ADNP: variants seen among roughly 807,000 people sequenced by gnomAD.
ADNP encodes activity dependent neuroprotector homeobox.
ADNP carries 4 observed loss-of-function variants against 84.9 expected under a neutral mutation model. The ratio of observed to expected loss-of-function variants is 0.05; its 90% CI spans 0.02 to 0.11. The LOEUF (loss-of-function observed/expected upper bound fraction) is 0.11, where lower values mean the gene tolerates loss of function less well. Ranked by LOEUF, ADNP falls within the 10% of genes least tolerant of loss-of-function variation. The pLI is 1.00. For synonymous variants in ADNP, 554 were observed against 468.1 expected (o/e 1.18, Z -2.37); for missense variants, 1,132 against 1,326.0 (o/e 0.85, Z 2.27).
intron 2 of ADNP, among the ~76,000 whole-genome samples, chr20:50,923,947 C>T (rs1009151367): frequency 3.3e-5 from 5 of 152,150 alleles, no homozygotes; most frequent in Non-Finnish European, 7.3e-5. Context: ...ATTTATAATT[C>T]GAATTGAAAA....
intron 2 of ADNP, among the ~76,000 whole-genome samples, chr20:50,927,560 CTT>C (rs10716858): frequency 8.0e-4 from 115 of 144,394 alleles, no homozygotes; most frequent in African/African-American, 1.1e-3. Context: ...AATTGTTTCA[CTT>C]TTTTTTTTTT....
At chr20:50,898,741 C>T (rs1353528095) in intron 5 of ADNP, among the ~76,000 whole-genome samples, 1 of 152,174 alleles carries the variant, frequency 6.6e-6, no homozygotes, top group Admixed American at 6.5e-5. Flanking sequence ...TTAAACCATG[C>T]ACAAGAATGA....
rs137858512 is a variant in ADNP at position 50,921,592 on chromosome 20, G to A, written c.-90+7059C>T. Among the ~76,000 whole-genome samples, 329 of 152,282 alleles carry A rather than the reference G, an allele frequency of 2.2e-3. 2 individuals carry two copies. Among genetic ancestry groups the A allele is most frequent in the African/African-American group, 7.8e-3 (324 of 41,556 alleles). On this transcript the variant is annotated intron_variant, in intron 2 of 5. Transcript: ENST00000621696. ...GTTGCTGCTTATCCTGATACTTTCC[G>A]TATTCAGATTTCAGGCAAGAATTCT...
rs1475109768 is a variant in ADNP at position 50,927,474 on chromosome 20, T to G, written c.-90+1177A>C. ...TAAACAGAATACCCATTCCCCACAC[T>G]CTAGTTAATTGAACCTTTTACTATA... On this transcript the variant is annotated intron_variant, in intron 2 of 5. Coordinates refer to ENST00000621696, the MANE Select transcript of ADNP (RefSeq NM_001282531.3). Among the ~76,000 whole-genome samples, 10 of 152,150 alleles carry G rather than the reference T, an allele frequency of 6.6e-5. No homozygotes were observed. In the East Asian group the frequency reaches 1.9e-3, roughly 29 times the overall value.
At chr20:50,923,023 C>CGT (rs1460360115) in intron 2 of ADNP, among the ~76,000 whole-genome samples, 1 of 151,928 alleles carries the variant, frequency 6.6e-6, no homozygotes, top group Non-Finnish European at 1.5e-5. Flanking sequence ...CCTTGGGACA[C>CGT]GTGTAAGGAG....
In ADNP at chr20:50,890,410, C is replaced by G. The variant is rs1215543321; in HGVS notation, c.*995G>C. The stretch of plus-strand genomic sequence containing the variant: ...ATGAATACAAAGGGAAAATAAAGAT[C>G]ACAAAATTATACATACTACAACAGT... On this transcript the variant is annotated 3_prime_UTR_variant, in exon 6 of 6. Transcript: ENST00000621696. 1.3e-5 allele frequency: 2 copies of G among 152,248 alleles called. No individual in the cohort carries two copies. Among genetic ancestry groups the G allele is most frequent in the African/African-American group, 4.8e-5 (2 of 41,426 alleles). The allele number at this position is 152,248 out of a possible 1,614,324, so 9.4% of individuals were successfully genotyped here.
Position 50,889,828 on chromosome 20 carries a change from G to A in ADNP, c.*1577C>T. On this transcript the variant is annotated 3_prime_UTR_variant, in exon 6 of 6. Transcript: ENST00000621696. Reference sequence around the variant, plus strand: ...AATACCAGCTCCTTCCATCTTTACAGCCCTGTCAGTGCTGTGCTCTTCAAA... The same window carrying A: ...AATACCAGCTCCTTCCATCTTTACAACCCTGTCAGTGCTGTGCTCTTCAAA... 2.5e-6 allele frequency: 1 copy of A among 398,470 alleles called. No homozygotes were observed. Among genetic ancestry groups the A allele is most frequent in the Middle Eastern group, 6.3e-4 (1 of 1,586 alleles). The allele number at this position is 398,470 out of a possible 1,614,324, so 24.7% of individuals were successfully genotyped here.
chr20:50,901,758 G>A (rs1982008081), intron 5 of ADNP, among the ~76,000 whole-genome samples: 1 of 152,212 alleles, frequency 6.6e-6, no homozygotes, highest in Non-Finnish European at 1.5e-5. Context: ...TAGGGGAAAT[G>A]GTGGGATACA....
At chr20:50,908,645 G>A (rs925481100) in intron 2 of ADNP, among the ~76,000 whole-genome samples, 2 of 152,074 alleles carry the variant, frequency 1.3e-5, no homozygotes, top group Non-Finnish European at 2.9e-5. Context: ...GTGGTGGTGG[G>A]CACCTGTAGT....
In ADNP at chr20:50,893,506, G is replaced by A. The variant is rs1424243622; in HGVS notation, c.1208C>T (p.Ser403Leu). The change falls in exon 6 of 6, where the codon TCA (serine) becomes TTA (leucine). Residue 403 changes from serine (S) to leucine (L), a missense_variant. This residue lies in a region of ADNP where 239 missense variants were observed against 213.2 expected (regional missense o/e 1.12). Coordinates refer to ENST00000621696, the MANE Select transcript of ADNP (RefSeq NM_001282531.3). This position sits in a 1 kb window ranked among gnomAD's most constrained non-coding sequence, Gnocchi z 4.4. The part of the protein sequence containing the change: ...SLQSANASSL[S>L]SGQLKSPSLS... ...GGAAGGAGACTTTAACTGGCCCGAT[G>A]AGAGAGAAGAGGCATTAGCAGACTG... is the stretch of plus-strand genomic sequence containing the variant. 2 of 1,613,848 alleles carry A rather than the reference G, an allele frequency of 1.2e-6. No individual in the cohort carries two copies. The highest frequency in any genetic ancestry group is 2.2e-5 in the East Asian group (1 of 44,892).
At chr20:50,920,353 G>C (rs1475452489) in intron 2 of ADNP, among the ~76,000 whole-genome samples, 1 of 150,914 alleles carries the variant, frequency 6.6e-6, no homozygotes, top group African/African-American at 2.4e-5. Flanking sequence ...GGCCAAGGCA[G>C]ACAGATCACT....
At chr20:50,913,250 CAAAAAAAAAAAAAAAAAAAAAA>C (rs56911332) in intron 2 of ADNP, among the ~76,000 whole-genome samples, 13 of 42,892 alleles carry the variant, frequency 3.0e-4, no homozygotes, top group African/African-American at 4.8e-4. Flanking sequence ...GACTCTGTCT[CAAAAAAAAAAAAAAAAAAAAAA>C]AAAAAAAAAA....
chr20:50,909,021 T>C (rs1336410576), intron 2 of ADNP, among the ~76,000 whole-genome samples: 1 of 151,028 alleles, frequency 6.6e-6, no homozygotes, highest in Non-Finnish European at 1.5e-5. Context: ...GGTTTTGACA[T>C]GCAGAAGGAT....
rs1485890644 is a variant in ADNP, at chr20:50,931,258, G to T, written c.-697C>A. The T allele has an allele frequency of 9.2e-6, 1 of 108,254 alleles. No homozygotes were observed. The highest frequency in any genetic ancestry group is 2.0e-5 in the Non-Finnish European group (1 of 50,160). 6.7% of individuals were successfully genotyped at this position (108,254 alleles called of 1,614,324 possible). A position where few individuals can be genotyped will look rare whatever the true frequency, so the allele number is the denominator to read the frequency against. On this transcript the variant is annotated 5_prime_UTR_variant, in exon 1 of 6. Transcript: ENST00000621696. ...CACAAGATGGCGGCGGCCGGGGGGG[G>T]GGGGGCGGGAGTTCAGCTCATGGAT...
Position 50,892,019 on chromosome 20 carries a change from C to A in ADNP, c.2695G>T (p.Val899Phe). The A allele has an allele frequency of 6.2e-7, 1 of 1,614,176 alleles. No individual in the cohort carries two copies. The highest frequency in any genetic ancestry group is 8.5e-7 in the Non-Finnish European group (1 of 1,180,036). The change falls in exon 6 of 6, where the codon GTT (valine) becomes TTT (phenylalanine). Residue 899 changes from valine (V) to phenylalanine (F), a missense_variant. Coordinates refer to ENST00000621696, the MANE Select transcript of ADNP (RefSeq NM_001282531.3). ...TTATCGTTAGAGATTTTAGGTTCAA[C>A]TTCAAAAACAGGGTCAAAAGGGCTA... Reference protein sequence around the residue: ...SGSPFDPVFEVEPKISNDNPE... With the variant: ...SGSPFDPVFEFEPKISNDNPE...
chr20:50,897,683 C>G (rs1981549400), intron 5 of ADNP, among the ~76,000 whole-genome samples: 1 of 152,148 alleles, frequency 6.6e-6, no homozygotes, highest in Non-Finnish European at 1.5e-5. Flanking sequence ...GGACAAAGGC[C>G]TTTCTCAGAT....
At chr20:50,920,277 A>AG (rs1568742257) in intron 2 of ADNP, among the ~76,000 whole-genome samples, 1 of 143,722 alleles carries the variant, frequency 7.0e-6, no homozygotes, top group Admixed American at 6.9e-5. Context: ...AAAAAAAAAA[A>AG]AAAAAAAGAA....
At chr20:50,905,641 C>T (rs1387233711) in intron 2 of ADNP, 3 of 151,972 alleles carry the variant, frequency 2.0e-5, no homozygotes, top group Non-Finnish European at 4.4e-5. Context: ...TAATTGGGGC[C>T]GAAAATGAAA....
chr20:50,891,104 AG>A lies in ADNP; in HGVS notation c.*300del. ...AGACATCTGACCAATCATTTCACAGAGGGAAAGAAATGTTGAAAAGGCAGAT... is the reference window on the plus strand; with the variant it reads ...AGACATCTGACCAATCATTTCACAGAGGAAAGAAATGTTGAAAAGGCAGAT... On this transcript the variant is annotated 3_prime_UTR_variant, in exon 6 of 6. Coordinates refer to ENST00000621696, the MANE Select transcript of ADNP (RefSeq NM_001282531.3). 1 of 1,164,804 alleles carries A rather than the reference AG, an allele frequency of 8.6e-7. No homozygotes were observed. The highest frequency in any genetic ancestry group is 3.5e-4 in the Middle Eastern group (1 of 2,852). 72.2% of individuals were successfully genotyped at this position (1,164,804 alleles called of 1,614,324 possible).
Sources: gnomAD v4.1 joint callset for allele counts (sites outside exome capture counted in the v4.1 genomes callset) on GRCh38, gnomAD v4.1.1 for gene constraint, gnomAD v4.1.1 regional missense constraint, Gnocchi (gnomAD v3.1) non-coding constraint, MANE v1.5 for transcripts, NCBI Gene and HGNC (gene_info 2026-07-23, HGNC 2026-07-21) for gene names.